The following CABP1 variants were observed in gnomAD, a reference collection of about 807,000 sequenced individuals.
CABP1 encodes calcium binding protein 1.
Under a neutral mutation model 34.3 loss-of-function variants are expected in CABP1, and 17 were observed. The ratio of observed to expected loss-of-function variants is 0.50; its 90% confidence interval spans 0.34 to 0.74. The LOEUF is 0.74. Ranked by LOEUF, CABP1 falls within the 30% of genes least tolerant of loss-of-function variation. The probability of loss-of-function intolerance (pLI) is 0.01; values close to 1 mark genes in which losing one functional copy is unlikely to be tolerated. For missense variants in CABP1, 373 were observed against 511.1 expected, an observed-to-expected ratio of 0.73 and a Z score of 2.61; for synonymous variants, 198 against 229.2, an observed-to-expected ratio of 0.86 and a Z score of 1.23.
chr12:120,660,367 C>T lies in CABP1; in HGVS notation c.829+28C>T. 1.2e-5 allele frequency: 19 copies of T among 1,605,744 alleles called. No homozygotes were observed. Among genetic ancestry groups the T allele is most frequent in the Non-Finnish European group, 1.5e-5 (18 of 1,177,314 alleles). ...GAGTCCCTCTACCAGGCATCTGCGT[C>T]CCTTCGGTCCTCACCCTTGCCGTCC... On this transcript the variant is annotated intron_variant, in intron 3 of 5. Transcript: ENST00000316803. The surrounding 1 kb of genome is among the most constrained non-coding windows in gnomAD (Gnocchi z 5.0).
At chr12:120,666,787 C>T (rs879145028) in intron 5 of CABP1, 88 bp from the exon 6 acceptor site, 3 of 1,393,154 alleles carry the variant, frequency 2.2e-6, no homozygotes, top group African/African-American at 2.8e-5. Flanking sequence ...AGAGTTGGGG[C>T]AGTGGCAACA....
At chr12:120,679,562 T>C in the CABP1 span, among the ~76,000 whole-genome samples, 4 of 152,228 alleles carry the variant, frequency 2.6e-5, no homozygotes, top group African/African-American at 9.6e-5. Context: ...GCGCAGTGGC[T>C]CATGCCTGTA....
chr12:120,641,378 C>T lies in CABP1; in HGVS notation c.654+39C>T. ...CTCCCGTCAGCGCTCCCGGGAAAGG[C>T]GCTCGGGACCCTGCCGGCCGCGGTT... On this transcript the variant is annotated intron_variant, in intron 1 of 5. Transcript: ENST00000316803. The surrounding 1 kb of genome is among the most constrained non-coding windows in gnomAD (Gnocchi z 6.7). 1.4e-5 allele frequency: 18 copies of T among 1,248,770 alleles called. No homozygotes were observed. Among genetic ancestry groups the T allele is most frequent in the Non-Finnish European group, 1.7e-5 (17 of 995,906 alleles). The allele number at this position is 1,248,770 out of a possible 1,614,324, so 77.4% of individuals were successfully genotyped here.
chr12:120,649,270 G>A (rs1879698684), intron 1 of CABP1, among the ~76,000 whole-genome samples: 1 of 152,178 alleles, frequency 6.6e-6, no homozygotes, highest in Admixed American at 6.5e-5. Flanking sequence ...CCCCCCACAC[G>A]GGAGAAAAGT....
chr12:120,663,262 T>C (rs1322923497), intron 5 of CABP1, among the ~76,000 whole-genome samples: 10 of 53,006 alleles, frequency 1.9e-4, no homozygotes, highest in Non-Finnish European at 2.9e-4. Flanking sequence ...CAGTGAAAGG[T>C]TATTTATTTA....
intron 1 of CABP1, chr12:120,659,331 T>A (rs991213814): frequency 1.3e-5 from 2 of 153,442 alleles, no homozygotes; most frequent in African/African-American, 4.8e-5. Context: ...CTGCCTTCCC[T>A]CCCCTCCTGC....
downstream of CABP1, among the ~76,000 whole-genome samples, chr12:120,670,168 A>AT (rs138333476): frequency 1.3e-5 from 2 of 151,378 alleles, no homozygotes; most frequent in African/African-American, 4.9e-5. Context: ...TGATTTTTAA[A>AT]TTTTTTTTGT....
Position 120,660,762 on chromosome 12 carries a change from G to A in CABP1, c.861G>A (p.Val287=). Residue 287 remains valine (V), a synonymous_variant, in exon 4 of 6, where the codon GTG becomes GTA. Transcript: ENST00000316803. This position sits in a 1 kb window ranked among gnomAD's most constrained non-coding sequence, Gnocchi z 5.0. ...GCCATGTAGATTTTGATGACTTCGT[G>A]GAGCTAATGGGGCCTAAACTCCTGG... ...LGGHVDFDDF[V]ELMGPKLLAE... is the part of the protein sequence containing the mutation. The A allele has an allele frequency of 6.2e-7, 1 of 1,613,938 alleles. No homozygotes were observed. The highest frequency in any genetic ancestry group is 8.5e-7 in the Non-Finnish European group (1 of 1,179,848).
In CABP1 at chr12:120,662,635, A is replaced by G. The variant is rs181842150; in HGVS notation, c.1087+1417A>G. Among the ~76,000 whole-genome samples, 5 of 148,772 alleles carry G rather than the reference A, an allele frequency of 3.4e-5. No individual in the cohort carries two copies. The East Asian group carries it at 9.9e-4, about 30-fold the overall frequency. ...CTCGGCCTCCCAAAGTGCTGGGATTACAGGCGTGAGCCACTGTGCCTGGCC... is the reference window on the plus strand; with the variant it reads ...CTCGGCCTCCCAAAGTGCTGGGATTGCAGGCGTGAGCCACTGTGCCTGGCC... On this transcript the variant is annotated intron_variant, in intron 5 of 5. Coordinates refer to ENST00000316803, the MANE Select transcript of CABP1 (RefSeq NM_001033677.2).
chr12:120,655,965 T>C (rs778445492), intron 1 of CABP1: 5 of 1,547,374 alleles, frequency 3.2e-6, no homozygotes, highest in Non-Finnish European at 4.3e-6. Context: ...CGCTCAGGGC[T>C]CTCTGAACCC....
the CABP1 span, among the ~76,000 whole-genome samples, chr12:120,680,578 G>A: frequency 6.6e-6 from 1 of 152,164 alleles, no homozygotes; most frequent in South Asian, 2.1e-4. Context: ...TGGGAGACTG[G>A]AGCCCAAATT....
chr12:120,661,882 G>A lies in CABP1; in HGVS notation c.1087+664G>A, dbSNP rs1016692099. ...TATCCATGCATTTATCTGTCCATTC[G>A]TGCATCTATTCATTCTTCTCTACAT... On this transcript the variant is annotated intron_variant, in intron 5 of 5. Transcript: ENST00000316803. This position sits in a 1 kb window ranked among gnomAD's most constrained non-coding sequence, Gnocchi z 5.1. 4.6e-5 allele frequency: 7 copies of A among 152,486 alleles called. No individual in the cohort carries two copies. The highest frequency in any genetic ancestry group is 1.7e-4 in the African/African-American group (7 of 41,324). The allele number at this position is 152,486 out of a possible 1,614,324, so 9.4% of individuals were successfully genotyped here. A position where few individuals can be genotyped will look rare whatever the true frequency, so the allele number is the denominator to read the frequency against.
At chr12:120,645,476 G>A (rs1109480) in intron 1 of CABP1, among the ~76,000 whole-genome samples, 46,751 of 151,992 alleles carry the variant, frequency 0.31, 7,702 homozygotes, top group Non-Finnish European at 0.38. Flanking sequence ...TATCTTCACA[G>A]CTACCTGTGA....
chr12:120,648,696 C>T (rs1009204655), intron 1 of CABP1, among the ~76,000 whole-genome samples: 1 of 152,008 alleles, frequency 6.6e-6, no homozygotes, highest in Non-Finnish European at 1.5e-5. Context: ...GCCTGTTCAA[C>T]ATGGTGAAAC....
chr12:120,663,594 A>G (rs1818260751), intron 5 of CABP1, among the ~76,000 whole-genome samples: 1 of 152,122 alleles, frequency 6.6e-6, no homozygotes, highest in South Asian at 2.1e-4. Context: ...TTTCTTTTTA[A>G]AGAATCAATA....
At chr12:120,647,078 C>T (rs1162800363) in intron 1 of CABP1, among the ~76,000 whole-genome samples, 1 of 152,172 alleles carries the variant, frequency 6.6e-6, no homozygotes, top group Non-Finnish European at 1.5e-5. Flanking sequence ...ATCCCAAGGT[C>T]GACAAGTGGG....
At chr12:120,668,838 G>A (rs529389756), downstream of CABP1, among the ~76,000 whole-genome samples, 26 of 152,318 alleles carry the variant, frequency 1.7e-4, no homozygotes, top group Admixed American at 8.5e-4. Context: ...TGGGGTGGCC[G>A]GTGTACCTCA....
In CABP1 at chr12:120,666,959, G is replaced by T; in HGVS notation, c.*59G>T. 6.4e-7 allele frequency: 1 copy of T among 1,559,934 alleles called. No individual in the cohort carries two copies. Among genetic ancestry groups the T allele is most frequent in the South Asian group, 1.2e-5 (1 of 85,906 alleles). On this transcript the variant is annotated 3_prime_UTR_variant, in exon 6 of 6. Coordinates refer to ENST00000316803, the MANE Select transcript of CABP1 (RefSeq NM_001033677.2). Reference sequence around the variant, plus strand: ...CCAAAGGCGGGGCTAAGAGGAGCTAGAGCTTGCCTCACCCGCTGTAGCCGC... The same window carrying T: ...CCAAAGGCGGGGCTAAGAGGAGCTATAGCTTGCCTCACCCGCTGTAGCCGC...
At chr12:120,647,670 G>T (rs1003556318) in intron 1 of CABP1, among the ~76,000 whole-genome samples, 2 of 150,122 alleles carry the variant, frequency 1.3e-5, no homozygotes, top group Non-Finnish European at 3.0e-5. Flanking sequence ...CGGGTTCAAG[G>T]GATTCTCTTG....
Sources: gnomAD v4.1 joint callset for allele counts (sites outside exome capture counted in the v4.1 genomes callset) on GRCh38, gnomAD v4.1.1 for gene constraint, Gnocchi (gnomAD v3.1) non-coding constraint, MANE v1.5 for transcripts, NCBI Gene and HGNC (gene_info 2026-07-23, HGNC 2026-07-21) for gene names.